The following PAPPA2 variants were observed in gnomAD, a reference collection of about 807,000 sequenced individuals.
The protein encoded by PAPPA2 is pappalysin-2.
PAPPA2 carries 86 observed loss-of-function variants against 176.4 expected under a neutral mutation model. That is an observed-to-expected ratio of 0.49 (90% CI 0.41 to 0.58). The LOEUF (loss-of-function observed/expected upper bound fraction) is 0.58. Ranked by LOEUF, PAPPA2 falls within the 20% of genes least tolerant of loss-of-function variation. The pLI is 0.00. For synonymous variants in PAPPA2, 809 were observed against 852.2 expected (o/e 0.95, Z 0.88); for missense variants, 2,073 against 2,256.9 (o/e 0.92, Z 1.65).
chr1:176,766,457 C>T (rs925634199), intron 15 of PAPPA2, among the ~76,000 whole-genome samples: 3 of 152,136 alleles, frequency 2.0e-5, no homozygotes, highest in Non-Finnish European at 4.4e-5. Flanking sequence ...TAAATTTTGG[C>T]TCCACTGTAT....
intron 3 of PAPPA2, among the ~76,000 whole-genome samples, chr1:176,634,016 A>G (rs1573165114): frequency 6.6e-6 from 1 of 152,240 alleles, no homozygotes; most frequent in African/African-American, 2.4e-5. Flanking sequence ...TAGTTCAACC[A>G]TTGTGGAAGA....
At chr1:176,747,236 T>C (rs1662954137) in intron 14 of PAPPA2, among the ~76,000 whole-genome samples, 1 of 152,354 alleles carries the variant, frequency 6.6e-6, no homozygotes, top group African/African-American at 2.4e-5. Context: ...ACAGCTGTAT[T>C]TTACATCTAC....
intron 3 of PAPPA2, among the ~76,000 whole-genome samples, chr1:176,610,373 G>T (rs1032652011): frequency 1.3e-5 from 2 of 151,834 alleles, no homozygotes; most frequent in Non-Finnish European, 2.9e-5. Context: ...TTATAGGAAT[G>T]AACTTAGAGT....
intron 2 of PAPPA2, among the ~76,000 whole-genome samples, chr1:176,580,854 C>CG (rs1558450365): frequency 2.0e-5 from 3 of 150,864 alleles, no homozygotes; most frequent in African/African-American, 7.4e-5. Context: ...GAAATGTTTG[C>CG]ATTTTTTGCA....
At chr1:176,524,475 A>T (rs1486778075) in intron 1 of PAPPA2, among the ~76,000 whole-genome samples, 1 of 152,214 alleles carries the variant, frequency 6.6e-6, no homozygotes, top group African/African-American at 2.4e-5. Context: ...AAGGAAGATG[A>T]TGTTAAAATA....
At position 176,665,179 on chromosome 1, in the gene PAPPA2, C is replaced by T. The variant is rs569337630; in HGVS notation, c.1992-5791C>T. On this transcript the variant is annotated intron_variant, in intron 3 of 22. Coordinates refer to ENST00000367662, the MANE Select transcript of PAPPA2 (RefSeq NM_020318.3). ...ATAATGCTGTGGGCATGAATGAGCT[C>T]ATACTACCATTAACAATCAAATTAC... is the stretch of plus-strand genomic sequence containing the variant. Among the ~76,000 whole-genome samples the T allele has an allele frequency of 3.3e-4, 50 of 152,272 alleles. 1 individual carries two copies. The South Asian group carries it at 0.01, about 31-fold the overall frequency.
intron 14 of PAPPA2, among the ~76,000 whole-genome samples, chr1:176,761,371 C>T (rs1173611402): frequency 6.6e-6 from 1 of 152,118 alleles, no homozygotes; most frequent in Admixed American, 6.5e-5. Context: ...CAAGGTACAT[C>T]ATATTCTTAC....
rs755081969 is a variant in PAPPA2, at chr1:176,791,476, G to A, written c.5014G>A (p.Gly1672Arg). The change falls in exon 19 of 23, where the codon GGG (glycine) becomes AGG (arginine). Residue 1672 changes from glycine to arginine, a missense_variant. Transcript: ENST00000367662. Reference sequence around the variant, plus strand: ...GGAGTACAAATGTGAACAAGGATATGGGATTGGTAAGGATAGGAGTGAATC... The same window carrying A: ...GGAGTACAAATGTGAACAAGGATATAGGATTGGTAAGGATAGGAGTGAATC... ...SVEYKCEQGY[G>R]IGAVCSPLCV... is the part of the protein sequence containing the mutation. 1.5e-5 allele frequency: 25 copies of A among 1,613,684 alleles called. No individual in the cohort carries two copies. The highest frequency in any genetic ancestry group is 2.0e-5 in the Non-Finnish European group (24 of 1,179,700).
chr1:176,814,575 G>A (rs1666301908), intron 21 of PAPPA2, among the ~76,000 whole-genome samples: 1 of 152,032 alleles, frequency 6.6e-6, no homozygotes, highest in Non-Finnish European at 1.5e-5. Flanking sequence ...TCATTATTTG[G>A]CTCTGTGCTT....
At chr1:176,560,078 T>C (rs1420446404) in intron 2 of PAPPA2, among the ~76,000 whole-genome samples, 1 of 152,162 alleles carries the variant, frequency 6.6e-6, no homozygotes, top group Non-Finnish European at 1.5e-5. Context: ...TGGAGGACTG[T>C]CCTGCCCTGG....
At chr1:176,706,252 G>T in intron 9 of PAPPA2, 107 bp from the exon 10 acceptor site, 4 of 941,610 alleles carry the variant, frequency 4.2e-6, no homozygotes, top group Admixed American at 5.4e-5. Context: ...TTTCCAACTT[G>T]CACTTTTTAA....
rs527783329 is a variant in PAPPA2 at position 176,555,605 on chromosome 1, G to A, written c.-718G>A. On this transcript the variant is annotated 5_prime_UTR_variant, in exon 2 of 23. Coordinates refer to ENST00000367662, the MANE Select transcript of PAPPA2 (RefSeq NM_020318.3). ...ACATTCTAACCTTCACAGACAGACT[G>A]GAGGCTGGATGGGGACCTGGCTGAA... 1.3e-5 allele frequency: 2 copies of A among 152,354 alleles called. No homozygotes were observed. Among genetic ancestry groups the A allele is most frequent in the Admixed American group, 6.5e-5 (1 of 15,298 alleles). The allele number at this position is 152,354 out of a possible 1,614,324, so 9.4% of individuals were successfully genotyped here.
At chr1:176,534,116 T>C (rs189392191) in intron 1 of PAPPA2, among the ~76,000 whole-genome samples, 37 of 152,334 alleles carry the variant, frequency 2.4e-4, no homozygotes, top group Admixed American at 2.0e-3. Flanking sequence ...TTTAAAATTA[T>C]ACAAAGGGCT....
chr1:176,545,968 C>G (rs190644273), intron 1 of PAPPA2, among the ~76,000 whole-genome samples: 1 of 152,250 alleles, frequency 6.6e-6, no homozygotes, highest in East Asian at 1.9e-4. Context: ...ACTTACCAAA[C>G]TGAGGAAGGT....
chr1:176,628,534 A>G (rs1656161938), intron 3 of PAPPA2, among the ~76,000 whole-genome samples: 1 of 152,206 alleles, frequency 6.6e-6, no homozygotes, highest in African/African-American at 2.4e-5. Context: ...ATAAAATAGA[A>G]AACAAAAGCC....
At chr1:176,547,550 C>T (rs1044246002) in intron 1 of PAPPA2, among the ~76,000 whole-genome samples, 2 of 152,136 alleles carry the variant, frequency 1.3e-5, no homozygotes, top group African/African-American at 4.8e-5. Flanking sequence ...ATGACCTGTG[C>T]CAAACCCATG....
intron 1 of PAPPA2, among the ~76,000 whole-genome samples, chr1:176,475,218 CCA>C (rs1157511413): frequency 6.6e-6 from 1 of 152,112 alleles, no homozygotes; most frequent in African/African-American, 2.4e-5. Flanking sequence ...GGTGAGAAAG[CCA>C]CACTGTCATT....
At chr1:176,737,071 T>G (rs1401363316) in intron 12 of PAPPA2, among the ~76,000 whole-genome samples, 2 of 151,492 alleles carry the variant, frequency 1.3e-5, no homozygotes, top group East Asian at 1.9e-4. Context: ...ATACACTAAT[T>G]TTTTTTTTGG....
In PAPPA2 at chr1:176,574,089, A is replaced by G. The variant is rs541245166; in HGVS notation, c.919+16848A>G. ...GATTCAATCCATTAGTGTATTACTT[A>G]TTTTTACCATAGGCAAGATGTTGGC... is the stretch of plus-strand genomic sequence containing the variant. On this transcript the variant is annotated intron_variant, in intron 2 of 22. Transcript: ENST00000367662. Among the ~76,000 whole-genome samples, 3 of 152,190 alleles carry G rather than the reference A, an allele frequency of 2.0e-5. No homozygotes were observed. In the East Asian group the frequency reaches 5.8e-4, roughly 29 times the overall value.
Sources: gnomAD v4.1 joint callset for allele counts (sites outside exome capture counted in the v4.1 genomes callset) on GRCh38, gnomAD v4.1.1 for gene constraint, MANE v1.5 for transcripts, NCBI Gene and HGNC (gene_info 2026-07-23, HGNC 2026-07-21) for gene names.